KIAA0825: variants seen among roughly 807,000 people sequenced by gnomAD.
KIAA0825 encodes KIAA0825, also known as uncharacterized protein KIAA0825.
KIAA0825 carries 119 observed loss-of-function variants against 147.6 expected under a neutral mutation model. That is an observed-to-expected ratio of 0.81 (90% CI 0.69 to 0.94). The LOEUF (loss-of-function observed/expected upper bound fraction) is 0.94. Ranked by LOEUF, KIAA0825 falls within the 40% of genes least tolerant of loss-of-function variation. The pLI, the probability that KIAA0825 is intolerant of heterozygous loss-of-function variation, is 0.00. For synonymous variants in KIAA0825, 470 were observed against 518.1 expected, an observed-to-expected ratio of 0.91 and a Z score of 1.26; for missense variants, 1,381 against 1,472.7, an observed-to-expected ratio of 0.94 and a Z score of 1.02.
intron 14 of KIAA0825, among the ~76,000 whole-genome samples, chr5:94,438,409 GT>G (rs1490399977): frequency 2.0e-5 from 3 of 152,182 alleles, no homozygotes; most frequent in African/African-American, 7.2e-5. Context: ...CCTAGTGTGA[GT>G]TTTCTCTTTA....
chr5:94,458,670 A>G (rs1759433365), intron 12 of KIAA0825, among the ~76,000 whole-genome samples: 1 of 152,096 alleles, frequency 6.6e-6, no homozygotes, highest in African/African-American at 2.4e-5. Context: ...GGAAAAAGGG[A>G]GTCATTGAAC....
intron 2 of KIAA0825, among the ~76,000 whole-genome samples, chr5:94,563,192 A>C (rs948916526): frequency 1.8e-4 from 20 of 108,916 alleles, no homozygotes; most frequent in East Asian, 8.5e-4. Context: ...ATACCAAAAA[A>C]AACAAAAAAA....
intron 20 of KIAA0825, among the ~76,000 whole-genome samples, chr5:94,339,351 T>C (rs559535826): frequency 6.6e-6 from 1 of 152,298 alleles, no homozygotes; most frequent in African/African-American, 2.4e-5. Context: ...AAATTGTAGA[T>C]AGATTTTTAC....
Position 94,157,014 on chromosome 5 carries a change from G to C in KIAA0825, c.3711-2890C>G, listed in dbSNP as rs1236767462. ...AAAAAAAAAATACTGAAAGAGAAAAGAATCTACCAATTTGTTAAACATAAT... is the reference window on the plus strand; with the variant it reads ...AAAAAAAAAATACTGAAAGAGAAAACAATCTACCAATTTGTTAAACATAAT... On this transcript the variant is annotated intron_variant, in intron 20 of 20. Transcript: ENST00000682413. 2.6e-5 allele frequency among the ~76,000 whole-genome samples: 4 copies of C among 151,586 alleles called. No individual in the cohort carries two copies. In the East Asian group the frequency reaches 7.8e-4, roughly 29 times the overall value.
At chr5:94,489,221 A>C (rs1763414207) in intron 5 of KIAA0825, among the ~76,000 whole-genome samples, 1 of 152,184 alleles carries the variant, frequency 6.6e-6, no homozygotes. Flanking sequence ...AATTCAGTTC[A>C]CGTAGTCACA....
intron 9 of KIAA0825, 44 bp downstream of exon 9, chr5:94,471,422 G>A (rs544411947): frequency 2.2e-5 from 34 of 1,527,086 alleles, no homozygotes; most frequent in East Asian, 7.4e-5. Flanking sequence ...AAGATTACAC[G>A]TTTCTTTAAG....
intron 1 of KIAA0825, chr5:94,593,903 G>A (rs533021680): frequency 4.3e-5 from 18 of 417,082 alleles, no homozygotes; most frequent in East Asian, 3.0e-4. Flanking sequence ...TCATTTGGAC[G>A]AAGTGGGAAT....
chr5:94,593,582 A>G, intron 1 of KIAA0825: 1 of 548,640 alleles, frequency 1.8e-6, no homozygotes, highest in South Asian at 2.1e-5. Flanking sequence ...AAACAACTTA[A>G]ATCAACTATG....
intron 20 of KIAA0825, among the ~76,000 whole-genome samples, chr5:94,229,495 A>G (rs1774495848): frequency 1.4e-5 from 2 of 146,092 alleles, no homozygotes; most frequent in South Asian, 2.1e-4. Flanking sequence ...GAACTGGTCC[A>G]TATTGAATTT....
chr5:94,349,542 A>C (rs2150358986), intron 20 of KIAA0825, among the ~76,000 whole-genome samples: 1 of 152,338 alleles, frequency 6.6e-6, no homozygotes, highest in South Asian at 2.1e-4. Context: ...CCATAAAACG[A>C]GCCTCAATAA....
intron 2 of KIAA0825, among the ~76,000 whole-genome samples, chr5:94,551,875 T>C (rs1775606710): frequency 6.6e-6 from 1 of 151,528 alleles, no homozygotes; most frequent in African/African-American, 2.4e-5. Flanking sequence ...AGGGAAAAAA[T>C]ATATACAAAT....
chr5:94,440,991 G>C (rs1367200262), intron 13 of KIAA0825, among the ~76,000 whole-genome samples: 1 of 152,062 alleles, frequency 6.6e-6, no homozygotes, highest in East Asian at 1.9e-4. Flanking sequence ...GGAATAGGGC[G>C]GCACAGGGAA....
intron 20 of KIAA0825, among the ~76,000 whole-genome samples, chr5:94,193,493 G>C (rs1770860350): frequency 6.6e-6 from 1 of 152,182 alleles, no homozygotes; most frequent in Admixed American, 6.5e-5. Flanking sequence ...TGGCAGCGCA[G>C]AGTTTTGAAC....
chr5:94,585,441 G>C (rs1222171838), intron 1 of KIAA0825, among the ~76,000 whole-genome samples: 2 of 152,172 alleles, frequency 1.3e-5, no homozygotes, highest in African/African-American at 2.4e-5. Flanking sequence ...AAGAAACAAA[G>C]AAGGCCATTA....
rs1562587032 is a variant in KIAA0825 at position 94,520,626 on chromosome 5, GT to G, written c.591del (p.Gln197HisfsTer13). On this transcript the variant is annotated frameshift_variant, in exon 5 of 21. Coordinates refer to ENST00000682413, the MANE Select transcript of KIAA0825 (RefSeq NM_001145678.3). LOFTEE classifies it high-confidence loss of function. ...GATTCTGGATAAAGAAACAAGAGTT[GT>G]TGTAAGCACTGCTTTTTCAATAAAA... ...QKILLKKQCLQQLLFLYPESE... is the reference protein window; with the variant it reads ...QKILLKKQCLXQLLFLYPESE... 1 of 1,613,354 alleles carries G rather than the reference GT, an allele frequency of 6.2e-7. No homozygotes were observed. The highest frequency in any genetic ancestry group is 8.5e-7 in the Non-Finnish European group (1 of 1,179,476).
At chr5:94,168,807 CAAAAG>C (rs1768312590) in intron 20 of KIAA0825, among the ~76,000 whole-genome samples, 1 of 152,046 alleles carries the variant, frequency 6.6e-6, no homozygotes, top group Non-Finnish European at 1.5e-5. Context: ...TTTAATGAAT[CAAAAG>C]AAAAGGTGTA....
At chr5:94,278,714 A>G (rs1777329194) in intron 20 of KIAA0825, among the ~76,000 whole-genome samples, 1 of 152,172 alleles carries the variant, frequency 6.6e-6, no homozygotes, top group Non-Finnish European at 1.5e-5. Flanking sequence ...CTGAATGATC[A>G]CTACTTCTTA....
At chr5:94,580,875 C>CAAAAAAAA (rs869206314) in intron 2 of KIAA0825, among the ~76,000 whole-genome samples, 1 of 3,496 alleles carries the variant, frequency 2.9e-4, no homozygotes, top group East Asian at 4.8e-3. Context: ...GACTCCGTCT[C>CAAAAAAAA]AAAAAAAAAA....
In KIAA0825 at chr5:94,207,472, TC is replaced by T. The variant is rs996081277; in HGVS notation, c.3711-53349del. Among the ~76,000 whole-genome samples the T allele has an allele frequency of 2.2e-4, 34 of 152,162 alleles. 1 individual carries two copies. Among genetic ancestry groups the T allele is most frequent in the African/African-American group, 8.2e-4 (34 of 41,446 alleles). On this transcript the variant is annotated intron_variant, in intron 20 of 20. Transcript: ENST00000682413. ...GCACCTCCTCAATGCCTACTCCTCA[TC>T]AAGAGTGTTTGTAATTGAAGACCAA...
Sources: allele counts gnomAD v4.1 joint callset (sites outside exome capture counted in the v4.1 genomes callset), GRCh38; gene constraint gnomAD v4.1.1; transcripts MANE v1.5; gene names NCBI Gene and HGNC (gene_info 2026-07-23, HGNC 2026-07-21).